The following ZDHHC11 variants were observed in gnomAD, a reference collection of about 807,000 sequenced individuals.
ZDHHC11 encodes the protein palmitoyltransferase ZDHHC11.
ZDHHC11 carries 44 observed loss-of-function variants against 51.3 expected under a neutral mutation model. The ratio of observed to expected loss-of-function variants is 0.86; its 90% CI spans 0.67 to 1.10. The LOEUF (loss-of-function observed/expected upper bound fraction) is 1.10, where lower values mean the gene tolerates loss of function less well. Ranked by LOEUF, ZDHHC11 falls within the 50% of genes least tolerant of loss-of-function variation. ZDHHC11 has a pLI of 0.00. For missense variants in ZDHHC11, 400 were observed against 537.7 expected, an observed-to-expected ratio of 0.74 and a Z score of 2.53; for synonymous variants, 163 against 222.0, an observed-to-expected ratio of 0.73 and a Z score of 2.36.
In ZDHHC11 at chr5:825,301, A is replaced by G. The variant is rs2335581; in HGVS notation, c.936-50T>C. The G allele has an allele frequency of 8.6e-3, 13,368 of 1,563,354 alleles. 62 individuals carry two copies. In the African/African-American group the frequency reaches 0.089, roughly 10 times the overall value. On this transcript the variant is annotated intron_variant, in intron 7 of 12. Coordinates refer to ENST00000283441, the MANE Select transcript of ZDHHC11 (RefSeq NM_024786.3). The stretch of plus-strand genomic sequence containing the variant: ...AAACTCATCTCAGCTTTGTAGGGGG[A>G]CTCAGGGTGGCACTGGAGGCTGCAC...
At chr5:799,812 T>A (rs1189153307) in intron 12 of ZDHHC11, among the ~76,000 whole-genome samples, 3 of 151,688 alleles carry the variant, frequency 2.0e-5, no homozygotes, top group Non-Finnish European at 4.4e-5. Flanking sequence ...CTTGAAAGAT[T>A]TTAATTTTGC....
chr5:812,279 AC>A (rs1235231364), intron 11 of ZDHHC11, among the ~76,000 whole-genome samples: 14 of 151,788 alleles, frequency 9.2e-5, no homozygotes, highest in Non-Finnish European at 1.8e-4. Flanking sequence ...GTTGCAAAAG[AC>A]ACGATAAACA....
intron 1 of ZDHHC11, among the ~76,000 whole-genome samples, chr5:848,895 GCCTGCACACCCAGC>G (rs1254132222): frequency 5.5e-5 from 8 of 144,236 alleles, no homozygotes; most frequent in Admixed American, 1.4e-4. Context: ...GCTCACCTGG[GCCTGCACACCCAGC>G]CCTGCACAGC....
intron 6 of ZDHHC11, among the ~76,000 whole-genome samples, chr5:836,493 G>T (rs150881187): frequency 6.7e-6 from 1 of 150,222 alleles, no homozygotes; most frequent in Admixed American, 6.6e-5. Flanking sequence ...CAGGTTGATA[G>T]TGGCATTGCT....
chr5:845,183 C>T (rs1745931577), intron 3 of ZDHHC11, among the ~76,000 whole-genome samples: 1 of 152,306 alleles, frequency 6.6e-6, no homozygotes, highest in African/African-American at 2.4e-5. Context: ...CTGACTGCTG[C>T]TCCCTCATAC....
rs1332725183 is a variant in ZDHHC11 at position 795,895 on chromosome 5, C to T, written c.*693G>A. 3.0e-5 allele frequency: 3 copies of T among 100,448 alleles called. No homozygotes were observed. Among genetic ancestry groups the T allele is most frequent in the Non-Finnish European group, 5.3e-5 (3 of 56,468 alleles). The allele number at this position is 100,448 out of a possible 1,614,324, so 6.2% of individuals were successfully genotyped here. A position where few individuals can be genotyped will look rare whatever the true frequency, so the allele number is the denominator to read the frequency against. On this transcript the variant is annotated 3_prime_UTR_variant, in exon 13 of 13. Coordinates refer to ENST00000283441, the MANE Select transcript of ZDHHC11 (RefSeq NM_024786.3). ...AACTCCCCTTTCCCAGTACTGTGGG[C>T]TCCCATTTCCCAGTACTGTGCTCCC... is the stretch of plus-strand genomic sequence containing the variant.
chr5:853,313 G>T (rs1245758209), upstream of ZDHHC11, among the ~76,000 whole-genome samples: 1 of 147,150 alleles, frequency 6.8e-6, no homozygotes, highest in Non-Finnish European at 1.5e-5. Context: ...ACCGAGGACA[G>T]CGAGTCGGGC....
At chr5:803,007 C>G (rs138495038) in intron 11 of ZDHHC11, among the ~76,000 whole-genome samples, 1 of 146,674 alleles carries the variant, frequency 6.8e-6, no homozygotes, top group African/African-American at 2.5e-5. Context: ...GGCGACAGAG[C>G]GAGACTCTAT....
chr5:799,087 G>C (rs1738031473), intron 12 of ZDHHC11, among the ~76,000 whole-genome samples: 3 of 151,880 alleles, frequency 2.0e-5, no homozygotes, highest in Admixed American at 2.0e-4. Flanking sequence ...GTTGAAATTT[G>C]ATCTCCATTG....
chr5:843,635 T>A lies in ZDHHC11; in HGVS notation c.593A>T (p.Asn198Ile). 1 of 1,607,614 alleles carries A rather than the reference T, an allele frequency of 6.2e-7. No individual in the cohort carries two copies. The change falls in exon 4 of 13, where the codon AAC (asparagine) becomes ATC (isoleucine). Residue 198 changes from asparagine to isoleucine, a missense_variant. Physicochemically the swap from Asn to Ile is moderately radical, Grantham distance 149 (BLOSUM62 -3). Around this residue, in one of 5 missense-constraint regions of ZDHHC11, gnomAD observed 26 missense variants for 47.1 expected, o/e 0.55. Transcript: ENST00000283441. ...GGGGTCCGTGCGGAGCACCCCGGGG[T>A]TCACGAGGTACTGGACGAGGACATA... ...LLYVLVQYLV[N>I]PGVLRTDPRY...
chr5:817,587 G>A (rs1330679420), intron 10 of ZDHHC11, among the ~76,000 whole-genome samples: 1 of 151,102 alleles, frequency 6.6e-6, no homozygotes, highest in Non-Finnish European at 1.5e-5. Flanking sequence ...TGTATATTTA[G>A]TATTAAAAAA....
At chr5:801,280 C>G (rs143847031) in intron 11 of ZDHHC11, 116 bp from the exon 12 acceptor site, 2 of 1,297,192 alleles carry the variant, frequency 1.5e-6, no homozygotes, top group East Asian at 2.4e-5. Flanking sequence ...TAGCTTGTGA[C>G]GTGGGCAATC....
chr5:835,955 A>G (rs1743781551), intron 6 of ZDHHC11, among the ~76,000 whole-genome samples: 1 of 151,880 alleles, frequency 6.6e-6, no homozygotes, highest in African/African-American at 2.4e-5. Flanking sequence ...TGATTTAATT[A>G]TCTTAACTAG....
intron 11 of ZDHHC11, among the ~76,000 whole-genome samples, chr5:808,596 C>G (rs1254935345): frequency 6.7e-5 from 10 of 149,256 alleles, no homozygotes; most frequent in African/African-American, 1.7e-4. Context: ...AGTGCAGTGG[C>G]ACGATCTTGG....
chr5:817,782 C>A (rs552370476), intron 10 of ZDHHC11, among the ~76,000 whole-genome samples: 1 of 151,354 alleles, frequency 6.6e-6, no homozygotes, highest in Admixed American at 6.6e-5. Context: ...CACCTTGGCA[C>A]CTTCCATTTA....
intron 6 of ZDHHC11, among the ~76,000 whole-genome samples, chr5:836,239 T>TGTTA (rs1743829395): frequency 6.7e-6 from 1 of 150,286 alleles, no homozygotes; most frequent in African/African-American, 2.5e-5. Context: ...GAACTTGCTG[T>TGTTA]TAACAAACCC....
intron 4 of ZDHHC11, chr5:841,845 G>T: frequency 1.0e-6 from 1 of 992,620 alleles, no homozygotes. Flanking sequence ...ATTCAGCATG[G>T]ATGTCTTTGG....
chr5:802,872 A>AAAAAAAAAAAAAC (rs1561228390), intron 11 of ZDHHC11, among the ~76,000 whole-genome samples: 1 of 110,648 alleles, frequency 9.0e-6, no homozygotes, highest in African/African-American at 3.5e-5. Context: ...AAAAAAAAAA[A>AAAAAAAAAAAAAC]AAGCTAAATG....
At chr5:824,779 A>C (rs1035959243) in intron 8 of ZDHHC11, among the ~76,000 whole-genome samples, 1 of 151,272 alleles carries the variant, frequency 6.6e-6, no homozygotes, top group Non-Finnish European at 1.5e-5. Flanking sequence ...TAAAAAAAAA[A>C]AAAAAACAGC....
Sources: gnomAD v4.1 joint callset for allele counts (sites outside exome capture counted in the v4.1 genomes callset) on GRCh38, gnomAD v4.1.1 for gene constraint, gnomAD v4.1.1 regional missense constraint, MANE v1.5 for transcripts, NCBI Gene and HGNC (gene_info 2026-07-23, HGNC 2026-07-21) for gene names.